Variants in SEC63 observed in about 807,000 individuals in gnomAD.
SEC63 encodes SEC63 protein translocation regulator.
Under a neutral mutation model 116.2 loss-of-function variants are expected in SEC63, and 56 were observed. That is an observed-to-expected ratio of 0.48 (90% CI 0.39 to 0.60). The LOEUF (loss-of-function observed/expected upper bound fraction) is 0.60. Ranked by LOEUF, SEC63 falls within the 20% of genes least tolerant of loss-of-function variation. The pLI, the probability that SEC63 is intolerant of heterozygous loss-of-function variation, is 0.00. For synonymous variants in SEC63, 273 were observed against 294.6 expected (o/e 0.93, Z 0.75); for missense variants, 668 against 900.0 (o/e 0.74, Z 3.30).
chr6:107,919,833 A>G (rs1255537417), intron 4 of SEC63, among the ~76,000 whole-genome samples: 1 of 152,006 alleles, frequency 6.6e-6, no homozygotes, highest in African/African-American at 2.4e-5. Flanking sequence ...AAAAAAAAAA[A>G]GAAAAAGAAA....
At chr6:107,929,292 C>T in intron 2 of SEC63, 123 bp downstream of exon 2, 2 of 630,712 alleles carry the variant, frequency 3.2e-6, no homozygotes, top group Admixed American at 5.4e-5. Flanking sequence ...CCTATCTTAC[C>T]CTTACTATAG....
At chr6:107,930,704 G>C (rs1257643998) in intron 1 of SEC63, among the ~76,000 whole-genome samples, 1 of 151,422 alleles carries the variant, frequency 6.6e-6, no homozygotes, top group Non-Finnish European at 1.5e-5. Flanking sequence ...GTAAAACTTA[G>C]GTTTATGGGG....
intron 8 of SEC63, 113 bp from the exon 9 acceptor site, chr6:107,906,890 C>T: frequency 3.8e-6 from 3 of 790,806 alleles, no homozygotes; most frequent in Non-Finnish European, 4.3e-6. Flanking sequence ...ATGCACAATG[C>T]TAAAAATTAT....
Position 107,871,564 on chromosome 6 carries a change from T to C in SEC63, c.*140A>G, listed in dbSNP as rs1786133370. 2 of 785,196 alleles carry C rather than the reference T, an allele frequency of 2.5e-6. No homozygotes were observed. Among genetic ancestry groups the C allele is most frequent in the Admixed American group, 3.7e-5 (2 of 53,628 alleles). 48.6% of individuals were successfully genotyped at this position (785,196 alleles called of 1,614,324 possible). On this transcript the variant is annotated 3_prime_UTR_variant, in exon 21 of 21. Coordinates refer to ENST00000369002, the MANE Select transcript of SEC63 (RefSeq NM_007214.5). ...CCAAGGCACCGCCACTGCCTAGTTA[T>C]ATTATGCACCCATTTCAAGAGTAAA...
intron 1 of SEC63, among the ~76,000 whole-genome samples, chr6:107,944,242 G>A (rs1770436285): frequency 6.6e-6 from 1 of 152,224 alleles, no homozygotes; most frequent in South Asian, 2.1e-4. Context: ...AAAGACAGTT[G>A]TGATTAATTG....
intron 14 of SEC63, among the ~76,000 whole-genome samples, chr6:107,895,433 G>C (rs375770517): frequency 6.6e-6 from 1 of 152,114 alleles, no homozygotes; most frequent in Non-Finnish European, 1.5e-5. Context: ...TTCAGGCCAG[G>C]CTTGGTGGCT....
At chr6:107,946,762 G>A (rs1011364575) in intron 1 of SEC63, among the ~76,000 whole-genome samples, 6 of 152,178 alleles carry the variant, frequency 3.9e-5, no homozygotes, top group Admixed American at 2.0e-4. Context: ...TCTACACATT[G>A]GGAGGCTGAG....
intron 2 of SEC63, 109 bp from the exon 3 acceptor site, chr6:107,925,041 G>T (rs1406386440): frequency 2.8e-6 from 2 of 722,126 alleles, no homozygotes; most frequent in Non-Finnish European, 5.1e-6. Context: ...ATATCACTAT[G>T]CTACTGACTC....
chr6:107,900,865 G>T (rs148955917), intron 13 of SEC63, among the ~76,000 whole-genome samples: 1 of 152,196 alleles, frequency 6.6e-6, no homozygotes, highest in East Asian at 1.9e-4. Context: ...AATTATATAG[G>T]TAGAAAAATA....
At chr6:107,924,662 A>T (rs1339429819) in intron 3 of SEC63, among the ~76,000 whole-genome samples, 156 bp downstream of exon 3, 1 of 57,568 alleles carries the variant, frequency 1.7e-5, no homozygotes, top group Admixed American at 2.3e-4. Context: ...GTTATAGCTT[A>T]AATTATAATA....
Position 107,937,263 on chromosome 6 carries a change from C to T in SEC63, c.125-7749G>A, listed in dbSNP as rs375946444. 1.2e-4 allele frequency among the ~76,000 whole-genome samples: 18 copies of T among 152,012 alleles called. 1 individual carries two copies. In the East Asian group the frequency reaches 3.1e-3, roughly 26 times the overall value. On this transcript the variant is annotated intron_variant, in intron 1 of 20. Transcript: ENST00000369002. ...TCAGCCTCTCAAGTAGCTGGGATTACGGGCATGCGCCACCACACCCGGCTA... is the reference window on the plus strand; with the variant it reads ...TCAGCCTCTCAAGTAGCTGGGATTATGGGCATGCGCCACCACACCCGGCTA...
chr6:107,926,103 C>T (rs1171088020), intron 2 of SEC63, among the ~76,000 whole-genome samples: 4 of 152,120 alleles, frequency 2.6e-5, no homozygotes, highest in African/African-American at 7.2e-5. Context: ...CAGGGGTGAG[C>T]GACTGCGCCC....
At chr6:107,949,385 A>G (rs1770536945) in intron 1 of SEC63, among the ~76,000 whole-genome samples, 1 of 152,164 alleles carries the variant, frequency 6.6e-6, no homozygotes, top group South Asian at 2.1e-4. Flanking sequence ...CACACATGTA[A>G]TCCCAGCACT....
At chr6:107,883,947 A>G (rs1002157459) in intron 16 of SEC63, among the ~76,000 whole-genome samples, 8 of 152,126 alleles carry the variant, frequency 5.3e-5, no homozygotes, top group African/African-American at 1.7e-4. Flanking sequence ...ACAGCAAATT[A>G]AATGCAAAGA....
chr6:107,912,222 T>C (rs767615918), intron 6 of SEC63, among the ~76,000 whole-genome samples: 3 of 152,232 alleles, frequency 2.0e-5, no homozygotes, highest in Non-Finnish European at 2.9e-5. Context: ...GTTGCAGTGA[T>C]TGAAGTCTGA....
intron 1 of SEC63, among the ~76,000 whole-genome samples, chr6:107,951,144 C>T (rs1424820167): frequency 1.3e-5 from 2 of 152,114 alleles, no homozygotes; most frequent in South Asian, 4.1e-4. Flanking sequence ...CAAGAAAGCA[C>T]AAAGTGGGCA....
chr6:107,957,292 A>G (rs562855009), intron 1 of SEC63: 5 of 152,352 alleles, frequency 3.3e-5, no homozygotes, highest in African/African-American at 1.2e-4. Context: ...TTTTGCTAAG[A>G]GGAATAACGG....
chr6:107,942,739 T>C (rs1399112643), intron 1 of SEC63, among the ~76,000 whole-genome samples: 2 of 152,126 alleles, frequency 1.3e-5, no homozygotes, highest in South Asian at 2.1e-4. Flanking sequence ...ACATACACAG[T>C]TGATTAACAC....
At position 107,893,592 on chromosome 6, in the gene SEC63, T is replaced by C; in HGVS notation, c.1564A>G (p.Lys522Glu). The C allele has an allele frequency of 1.2e-6, 2 of 1,602,932 alleles. No individual in the cohort carries two copies. Among genetic ancestry groups the C allele is most frequent in the Non-Finnish European group, 1.7e-6 (2 of 1,177,238 alleles). The change falls in exon 16 of 21, where the codon AAA becomes GAA. Residue 522 changes from lysine (K) to glutamate (E), a missense_variant. Around this residue, in one of 5 missense-constraint regions of SEC63, gnomAD observed 430 missense variants for 557.5 expected, o/e 0.77. Transcript: ENST00000369002. ...TTCTTTTTTTTTGATTTAGCAGTTT[T>C]CTTGGGTCCTTTACTCTTCTGTTGC... ...GWQQKSKGPK[K>E]TAKSKKKKPL...
Sources: allele counts gnomAD v4.1 joint callset (sites outside exome capture counted in the v4.1 genomes callset), GRCh38; gene constraint gnomAD v4.1.1; regional missense constraint gnomAD v4.1.1; transcripts MANE v1.5; gene names NCBI Gene and HGNC (gene_info 2026-07-23, HGNC 2026-07-21).